CTNNBL1: variants seen among roughly 807,000 people sequenced by gnomAD.
CTNNBL1 encodes beta-catenin-like protein 1.
CTNNBL1 carries 31 observed loss-of-function variants against 72.7 expected under a neutral mutation model. The observed-to-expected ratio is 0.43, with a 90% CI of 0.32 to 0.58. The LOEUF is 0.58. Ranked by LOEUF, CTNNBL1 falls within the 20% of genes least tolerant of loss-of-function variation. CTNNBL1 has a pLI of 0.08. For missense variants in CTNNBL1, 534 were observed against 725.1 expected (o/e 0.74, Z 3.03); for synonymous variants, 240 against 267.3 (o/e 0.90, Z 1.00).
chr20:37,784,740 G>C (rs1173520616), intron 10 of CTNNBL1, among the ~76,000 whole-genome samples: 2 of 152,134 alleles, frequency 1.3e-5, no homozygotes, highest in African/African-American at 4.8e-5. Flanking sequence ...TCATCTTTTA[G>C]TCTTTCTGCT....
At chr20:37,744,613 A>G (rs955061118) in intron 3 of CTNNBL1, 21 of 152,200 alleles carry the variant, frequency 1.4e-4, no homozygotes, top group African/African-American at 5.1e-4. Flanking sequence ...TGTGTTGAGA[A>G]GGATTCTGAG....
intron 11 of CTNNBL1, among the ~76,000 whole-genome samples, chr20:37,837,944 G>A (rs1417150818): frequency 1.3e-5 from 2 of 152,074 alleles, no homozygotes; most frequent in Non-Finnish European, 2.9e-5. Context: ...ACAGTATTTT[G>A]GAAGGTAACA....
intron 11 of CTNNBL1, among the ~76,000 whole-genome samples, chr20:37,837,210 G>A (rs2235471): frequency 0.82 from 124,280 of 151,902 alleles, 50,879 homozygotes; most frequent in Middle Eastern, 0.89. Flanking sequence ...TTCTCACCCC[G>A]AGCTGAGCTC....
At chr20:37,738,303 G>T (rs1218373419) in intron 3 of CTNNBL1, among the ~76,000 whole-genome samples, 1 of 152,200 alleles carries the variant, frequency 6.6e-6, no homozygotes, top group Non-Finnish European at 1.5e-5. Flanking sequence ...TCACAGGGTT[G>T]TATGAAGATT....
At chr20:37,714,229 A>G (rs895717840) in intron 1 of CTNNBL1, among the ~76,000 whole-genome samples, 2 of 152,226 alleles carry the variant, frequency 1.3e-5, no homozygotes, top group African/African-American at 2.4e-5. Flanking sequence ...TTGCTCAAGG[A>G]CAGTGACCAG....
intron 3 of CTNNBL1, among the ~76,000 whole-genome samples, chr20:37,739,808 G>A (rs1406096648): frequency 1.3e-5 from 2 of 152,224 alleles, no homozygotes; most frequent in East Asian, 1.9e-4. Flanking sequence ...TTGCCTTGCT[G>A]TAGGTGTTCA....
At chr20:37,765,166 CCT>C in intron 5 of CTNNBL1, 29 bp from the exon 6 acceptor site, 1 of 1,456,980 alleles carries the variant, frequency 6.9e-7, no homozygotes, top group Non-Finnish European at 9.4e-7. Context: ...TTATGACATC[CCT>C]CTCTCCTTTT....
chr20:37,777,737 C>G, intron 9 of CTNNBL1, 25 bp downstream of exon 9: 1 of 1,609,620 alleles, frequency 6.2e-7, no homozygotes, highest in Non-Finnish European at 8.5e-7. Flanking sequence ...TGCTTCCTGT[C>G]TGCTGTAAGA....
chr20:37,852,505 A>G (rs1285132291), intron 13 of CTNNBL1, among the ~76,000 whole-genome samples: 2 of 152,160 alleles, frequency 1.3e-5, no homozygotes, highest in Non-Finnish European at 2.9e-5. Flanking sequence ...CATTTCTCAT[A>G]GTGGCTCCTC....
intron 1 of CTNNBL1, among the ~76,000 whole-genome samples, chr20:37,722,525 G>T (rs113615620): frequency 5.6e-4 from 83 of 148,116 alleles, no homozygotes; most frequent in African/African-American, 2.0e-3. Flanking sequence ...AATAAATAAA[G>T]TCTGTTGTAT....
At chr20:37,737,666 T>C (rs2073182497) in intron 3 of CTNNBL1, among the ~76,000 whole-genome samples, 182 bp downstream of exon 3, 1 of 152,142 alleles carries the variant, frequency 6.6e-6, no homozygotes, top group Admixed American at 6.5e-5. Flanking sequence ...AGGGCTGTGG[T>C]TTATTACACA....
At chr20:37,780,426 C>T (rs750345998) in intron 10 of CTNNBL1, among the ~76,000 whole-genome samples, 45 of 152,254 alleles carry the variant, frequency 3.0e-4, no homozygotes, top group Middle Eastern at 6.8e-3. Flanking sequence ...GTGAGCTAAA[C>T]ACAGCCTGTC....
At chr20:37,793,946 A>C (rs1285354856) in intron 10 of CTNNBL1, among the ~76,000 whole-genome samples, 1 of 151,862 alleles carries the variant, frequency 6.6e-6, no homozygotes, top group Non-Finnish European at 1.5e-5. Flanking sequence ...ACGCCCAGCT[A>C]ATTTTTGTAT....
At chr20:37,834,019 C>G (rs1009691816) in intron 11 of CTNNBL1, among the ~76,000 whole-genome samples, 2 of 152,172 alleles carry the variant, frequency 1.3e-5, no homozygotes, top group East Asian at 1.9e-4. Context: ...GGCAACCTAT[C>G]CTTCACTTAA....
At chr20:37,803,332 C>T (rs1042201427) in intron 11 of CTNNBL1, among the ~76,000 whole-genome samples, 7 of 152,046 alleles carry the variant, frequency 4.6e-5, no homozygotes, top group South Asian at 2.1e-4. Flanking sequence ...TAATTTGTAG[C>T]GAGGTGTCTC....
chr20:37,722,124 C>T (rs561749761), intron 1 of CTNNBL1, among the ~76,000 whole-genome samples: 12 of 152,216 alleles, frequency 7.9e-5, no homozygotes, highest in African/African-American at 2.6e-4. Context: ...ATGGGCTACT[C>T]ATTATTTTTT....
At chr20:37,694,627 C>T (rs2072774436) in intron 1 of CTNNBL1, among the ~76,000 whole-genome samples, 1 of 152,158 alleles carries the variant, frequency 6.6e-6, no homozygotes, top group Non-Finnish European at 1.5e-5. Flanking sequence ...CTAATAACTG[C>T]CTTAGTAGGG....
intron 4 of CTNNBL1, among the ~76,000 whole-genome samples, chr20:37,752,082 A>C (rs998639573): frequency 2.6e-5 from 4 of 152,202 alleles, no homozygotes; most frequent in African/African-American, 9.7e-5. Context: ...AGACAAACAC[A>C]CAAAACCTGG....
intron 1 of CTNNBL1, among the ~76,000 whole-genome samples, chr20:37,710,454 A>T (rs1165494689): frequency 6.6e-6 from 1 of 152,196 alleles, no homozygotes; most frequent in Non-Finnish European, 1.5e-5. Flanking sequence ...GATGAACTGC[A>T]AAACTTTTTA....
Sources: gnomAD v4.1 joint callset for allele counts (sites outside exome capture counted in the v4.1 genomes callset) on GRCh38, gnomAD v4.1.1 for gene constraint, MANE v1.5 for transcripts, NCBI Gene and HGNC (gene_info 2026-07-23, HGNC 2026-07-21) for gene names.